KCNA6: variants seen among roughly 807,000 people sequenced by gnomAD.
KCNA6 encodes the protein potassium voltage-gated channel subfamily A member 6.
Under a neutral mutation model 29.5 loss-of-function variants are expected in KCNA6, and 17 were observed. The ratio of observed to expected loss-of-function variants is 0.58; its 90% CI spans 0.39 to 0.86. KCNA6 has a LOEUF of 0.86. KCNA6 is among the 40% of genes least tolerant of loss of function. The probability of loss-of-function intolerance (pLI) is 0.00; values close to 1 mark genes in which losing one functional copy is unlikely to be tolerated. For missense variants in KCNA6, 450 were observed against 703.4 expected, an observed-to-expected ratio of 0.64 and a Z score of 4.07; for synonymous variants, 296 against 304.7, an observed-to-expected ratio of 0.97 and a Z score of 0.30.
chr12:4,823,355 T>C, the KCNA6 span, among the ~76,000 whole-genome samples: 7 of 151,000 alleles, frequency 4.6e-5, no homozygotes, highest in African/African-American at 1.7e-4. Flanking sequence ...AGAGGAATGC[T>C]ATGGCATTGG....
chr12:4,846,686 T>A, the KCNA6 span, among the ~76,000 whole-genome samples: 1 of 151,784 alleles, frequency 6.6e-6, no homozygotes. Flanking sequence ...CTCACCTTCA[T>A]CTTGACTTCT....
the KCNA6 span, among the ~76,000 whole-genome samples, chr12:4,825,946 C>T: frequency 4.6e-5 from 7 of 152,218 alleles, no homozygotes; most frequent in African/African-American, 1.7e-4. Context: ...ACTTTTCTAA[C>T]TAAAACCTTT....
At chr12:4,816,382 A>G (rs1446543490), downstream of KCNA6, among the ~76,000 whole-genome samples, 1 of 151,636 alleles carries the variant, frequency 6.6e-6, no homozygotes, top group Non-Finnish European at 1.5e-5. Context: ...AAGATATGTC[A>G]TGCCATTTTT....
chr12:4,823,190 C>T, the KCNA6 span, among the ~76,000 whole-genome samples: 1 of 152,066 alleles, frequency 6.6e-6, no homozygotes, highest in African/African-American at 2.4e-5. Flanking sequence ...TAATTATTTT[C>T]CTCTCAGAGG....
At chr12:4,815,788 A>G (rs954682254), downstream of KCNA6, among the ~76,000 whole-genome samples, 1 of 152,212 alleles carries the variant, frequency 6.6e-6, no homozygotes, top group Non-Finnish European at 1.5e-5. Flanking sequence ...CTTGACAAGG[A>G]GGATTAAGAT....
At position 4,810,211 on chromosome 12, in the gene KCNA6, G is replaced by T; in HGVS notation, c.170G>T (p.Arg57Leu). 6.2e-7 allele frequency: 1 copy of T among 1,613,600 alleles called. No homozygotes were observed. Among genetic ancestry groups the T allele is most frequent in the South Asian group, 1.1e-5 (1 of 91,066 alleles). Reference sequence around the variant, plus strand: ...GGGCTGCGCTTTGAGACACAATTGCGCACCCTGTCGCTGTTTCCGGACACG... The same window carrying T: ...GGGCTGCGCTTTGAGACACAATTGCTCACCCTGTCGCTGTTTCCGGACACG... The change falls in exon 1 of 1, where the codon CGC becomes CTC. Residue 57 changes from arginine to leucine, a missense_variant. Transcript: ENST00000280684. This position sits in a 1 kb window ranked among gnomAD's most constrained non-coding sequence, Gnocchi z 7.5.
At chr12:4,822,481 A>G in the KCNA6 span, among the ~76,000 whole-genome samples, 1 of 152,204 alleles carries the variant, frequency 6.6e-6, no homozygotes, top group Admixed American at 6.5e-5. Context: ...CCAGCTACCC[A>G]TGAGAGACAG....
At chr12:4,825,298 A>G in the KCNA6 span, among the ~76,000 whole-genome samples, 23 of 152,376 alleles carry the variant, frequency 1.5e-4, no homozygotes, top group Non-Finnish European at 3.1e-4. Flanking sequence ...ACTATGTTTC[A>G]GAAATGCTGC....
chr12:4,843,043 CAGAA>C, the KCNA6 span, among the ~76,000 whole-genome samples: 4 of 151,908 alleles, frequency 2.6e-5, no homozygotes, highest in East Asian at 1.9e-4. Flanking sequence ...GTGGGATAGA[CAGAA>C]AGGGAGGAAG....
chr12:4,838,383 G>C, the KCNA6 span, among the ~76,000 whole-genome samples: 2 of 152,154 alleles, frequency 1.3e-5, no homozygotes, highest in Non-Finnish European at 2.9e-5. Context: ...ACTGGGAGGT[G>C]GTAGCATGGC....
chr12:4,810,474 G>A lies in KCNA6; in HGVS notation c.433G>A (p.Gly145Ser), dbSNP rs1454231576. Reference sequence around the variant, plus strand: ...GGACGAGGGCTGCCTGCCCGAAGGTGGCGAGGACGAGAAGCCGCTGCCCTC... The same window carrying A: ...GGACGAGGGCTGCCTGCCCGAAGGTAGCGAGGACGAGAAGCCGCTGCCCTC... The change falls in exon 1 of 1, where the codon GGC becomes AGC. Residue 145 changes from glycine to serine, a missense_variant. By Grantham distance (56) the Gly-to-Ser change is moderately conservative (BLOSUM62 0). This residue lies in a region of KCNA6 where 133 missense variants were observed against 217.5 expected (regional missense o/e 0.61). Transcript: ENST00000280684. This position sits in a 1 kb window ranked among gnomAD's most constrained non-coding sequence, Gnocchi z 7.5. 3 of 1,614,140 alleles carry A rather than the reference G, an allele frequency of 1.9e-6. No individual in the cohort carries two copies. The South Asian group carries it at 3.3e-5, about 18-fold the overall frequency.
the KCNA6 span, among the ~76,000 whole-genome samples, chr12:4,833,163 C>G: frequency 6.6e-6 from 1 of 152,170 alleles, no homozygotes; most frequent in South Asian, 2.1e-4. Context: ...TGTGACATAG[C>G]TAACCAATTA....
the KCNA6 span, among the ~76,000 whole-genome samples, chr12:4,836,105 AT>A: frequency 0.11 from 15,574 of 137,254 alleles, 874 homozygotes; most frequent in Non-Finnish European, 0.14. Context: ...ATGCCTGGCT[AT>A]TTTTTTTTTT....
chr12:4,828,424 C>T, the KCNA6 span, among the ~76,000 whole-genome samples: 100,202 of 152,062 alleles, frequency 0.66, 33,780 homozygotes, highest in African/African-American at 0.75. Context: ...TTCTAATGAA[C>T]GGTGCTACAA....
chr12:4,843,075 TTAA>T, the KCNA6 span, among the ~76,000 whole-genome samples: 8 of 152,174 alleles, frequency 5.3e-5, no homozygotes, highest in Admixed American at 1.3e-4. Flanking sequence ...CTTCTAGGCA[TTAA>T]TAATACAAAA....
the KCNA6 span, chr12:4,851,015 G>T: frequency 2.0e-5 from 6 of 296,630 alleles, no homozygotes; most frequent in South Asian, 1.5e-4. Context: ...GCTATGGGGT[G>T]GTCAGGGGAT....
chr12:4,845,773 C>G, the KCNA6 span, among the ~76,000 whole-genome samples: 1 of 151,904 alleles, frequency 6.6e-6, no homozygotes, highest in African/African-American at 2.4e-5. Flanking sequence ...AAATATTAGT[C>G]TAAGGGTAAA....
At chr12:4,846,782 TTTTTTTTTTA>T in the KCNA6 span, among the ~76,000 whole-genome samples, 9 of 74,212 alleles carry the variant, frequency 1.2e-4, no homozygotes, top group African/African-American at 2.5e-4. Flanking sequence ...TTTTTTTTTT[TTTTTTTTTTA>T]ATTTGAGACG....
chr12:4,850,576 C>T, the KCNA6 span, among the ~76,000 whole-genome samples: 2 of 152,218 alleles, frequency 1.3e-5, no homozygotes, highest in African/African-American at 4.8e-5. This position sits in a 1 kb window ranked among gnomAD's most constrained non-coding sequence, Gnocchi z 5.4. Flanking sequence ...TTTGAACAGA[C>T]CAGAGCACCT....
Sources: gnomAD v4.1 joint callset for allele counts (sites outside exome capture counted in the v4.1 genomes callset) on GRCh38, gnomAD v4.1.1 for gene constraint, gnomAD v4.1.1 regional missense constraint, Gnocchi (gnomAD v3.1) non-coding constraint, MANE v1.5 for transcripts, NCBI Gene and HGNC (gene_info 2026-07-23, HGNC 2026-07-21) for gene names.